Variants in PRKDC observed in about 807,000 individuals in gnomAD.
PRKDC encodes DNA-dependent protein kinase catalytic subunit.
Under a neutral mutation model 486.9 loss-of-function variants are expected in PRKDC, and 82 were observed. The observed-to-expected ratio is 0.17, with a 90% CI of 0.14 to 0.20. The LOEUF (loss-of-function observed/expected upper bound fraction) is 0.20, where lower values mean the gene tolerates loss of function less well. Among genes scored for constraint, PRKDC ranks in the 10% least tolerant of loss-of-function variants. PRKDC has a pLI of 1.00. For missense variants in PRKDC, 4,504 were observed against 5,038.2 expected, an observed-to-expected ratio of 0.89 and a Z score of 3.21; for synonymous variants, 1,895 against 1,837.0, an observed-to-expected ratio of 1.03 and a Z score of -0.81.
chr8:47,944,484 TAAA>T (rs75220935), intron 7 of PRKDC, among the ~76,000 whole-genome samples: 2 of 99,020 alleles, frequency 2.0e-5, no homozygotes, highest in African/African-American at 6.6e-5. Context: ...AGAAAAAAAT[TAAA>T]AAAAAAAAAA....
intron 49 of PRKDC, among the ~76,000 whole-genome samples, chr8:47,855,589 G>A (rs987988849): frequency 6.6e-6 from 1 of 152,224 alleles, no homozygotes; most frequent in Non-Finnish European, 1.5e-5. Context: ...GCCGTCCAGG[G>A]TGCAGGCTGC....
At chr8:47,927,444 T>C in intron 20 of PRKDC, 91 bp from the exon 21 acceptor site, 2 of 1,378,128 alleles carry the variant, frequency 1.5e-6, no homozygotes, top group Non-Finnish European at 2.0e-6. Flanking sequence ...TTCTAATTAA[T>C]ACTCCTTTTT....
intron 54 of PRKDC, among the ~76,000 whole-genome samples, chr8:47,841,548 GGGACAGA>G (rs2088144659): frequency 6.6e-6 from 1 of 152,210 alleles, no homozygotes; most frequent in African/African-American, 2.4e-5. Context: ...TGATTCCAAG[GGGACAGA>G]GGACAAAGCT....
At chr8:47,793,299 G>T (rs1019455001) in intron 74 of PRKDC, among the ~76,000 whole-genome samples, 6 of 152,176 alleles carry the variant, frequency 3.9e-5, no homozygotes, top group African/African-American at 1.4e-4. Flanking sequence ...TAGGGCAGGG[G>T]TGTGTTCACA....
intron 19 of PRKDC, among the ~76,000 whole-genome samples, chr8:47,928,290 T>A (rs771548617): frequency 6.6e-6 from 1 of 151,776 alleles, no homozygotes; most frequent in African/African-American, 2.4e-5. Context: ...TAGGTGGGAT[T>A]ACAGGCATGT....
chr8:47,901,574 T>A (rs1336290348), intron 27 of PRKDC, among the ~76,000 whole-genome samples: 1 of 152,226 alleles, frequency 6.6e-6, no homozygotes, highest in East Asian at 1.9e-4. Context: ...GAAAGCTACA[T>A]GAGCCAAAGA....
At chr8:47,859,365 C>G (rs1473232216) in intron 46 of PRKDC, among the ~76,000 whole-genome samples, 1 of 152,160 alleles carries the variant, frequency 6.6e-6, no homozygotes, top group Non-Finnish European at 1.5e-5. Context: ...GGGAGTGCAC[C>G]TCAGGTCAGA....
rs2090661253 is a variant in PRKDC at position 47,953,737 on chromosome 8, A to C, written c.622-18T>G. On this transcript the variant is annotated intron_variant, in intron 6 of 85. Coordinates refer to ENST00000314191, the MANE Select transcript of PRKDC (RefSeq NM_006904.7). ...GATGTCATCTAAAAGAAAAGATTTA[A>C]GAAGATGTCATTACAAGAGAAAAAC... The C allele has an allele frequency of 6.3e-7, 1 of 1,599,864 alleles. No individual in the cohort carries two copies. The highest frequency in any genetic ancestry group is 1.7e-4 in the Middle Eastern group (1 of 6,038).
chr8:47,775,221 T>A (rs890084364), intron 85 of PRKDC, among the ~76,000 whole-genome samples: 10 of 151,530 alleles, frequency 6.6e-5, no homozygotes, highest in Non-Finnish European at 1.2e-4. Context: ...ATAAATTAAT[T>A]AATTAATAGC....
chr8:47,777,851 C>T lies in PRKDC; in HGVS notation c.11877G>A (p.Met3959Ile), dbSNP rs2154497307. The change falls in exon 84 of 86, where the codon ATG (methionine) becomes ATA (isoleucine). Residue 3959 changes from methionine to isoleucine, a missense_variant. By Grantham distance (10) the Met-to-Ile change is conservative. This residue lies in a region of PRKDC where 706 missense variants were observed against 945.0 expected (regional missense o/e 0.75). Coordinates refer to ENST00000314191, the MANE Select transcript of PRKDC (RefSeq NM_006904.7). ...TAAACTGGCGAGTTAGCCGAAAAGG[C>T]ATCAACTCAGGGACTGGCAGAAACT... Reference protein sequence around the residue: ...ATQFLPVPELMPFRLTRQFIN... With the variant: ...ATQFLPVPELIPFRLTRQFIN... The T allele has an allele frequency of 6.2e-7, 1 of 1,613,958 alleles. No individual in the cohort carries two copies. The highest frequency in any genetic ancestry group is 8.5e-7 in the Non-Finnish European group (1 of 1,179,888).
At chr8:47,852,359 C>T (rs899880222) in intron 52 of PRKDC, among the ~76,000 whole-genome samples, 1 of 152,130 alleles carries the variant, frequency 6.6e-6, no homozygotes, top group African/African-American at 2.4e-5. Flanking sequence ...ATTTCCTCCA[C>T]AAGGAAATCC....
At chr8:47,825,504 CAAAAAAAAAAAAAAA>C (rs397891351) in intron 63 of PRKDC, among the ~76,000 whole-genome samples, 5 of 10,250 alleles carry the variant, frequency 4.9e-4, no homozygotes, top group African/African-American at 1.4e-3. Flanking sequence ...AAGACTGTCT[CAAAAAAAAAAAAAAA>C]AAAAAAAAAA....
intron 59 of PRKDC, among the ~76,000 whole-genome samples, chr8:47,833,337 T>A (rs578220071): frequency 6.6e-6 from 1 of 152,336 alleles, no homozygotes; most frequent in East Asian, 1.9e-4. Flanking sequence ...TCCACAGAGC[T>A]GAGCTTCCCT....
At chr8:47,829,737 A>T (rs1000502407) in intron 61 of PRKDC, among the ~76,000 whole-genome samples, 6 of 152,204 alleles carry the variant, frequency 3.9e-5, no homozygotes, top group African/African-American at 1.4e-4. Flanking sequence ...GATCTTTACA[A>T]GGAGAACTAA....
At chr8:47,825,760 C>T (rs1589723671) in intron 63 of PRKDC, among the ~76,000 whole-genome samples, 1 of 152,124 alleles carries the variant, frequency 6.6e-6, no homozygotes, top group African/African-American at 2.4e-5. Flanking sequence ...CAGGAGAAAA[C>T]GGTTCCTAGG....
intron 78 of PRKDC, 97 bp downstream of exon 78, chr8:47,783,645 C>G (rs1396721881): frequency 8.7e-7 from 1 of 1,152,874 alleles, no homozygotes; most frequent in Non-Finnish European, 1.3e-6. Flanking sequence ...CTGTGATCAA[C>G]ATGGGCCGTT....
At chr8:47,921,445 G>T (rs1353007329) in intron 21 of PRKDC, among the ~76,000 whole-genome samples, 3 of 152,040 alleles carry the variant, frequency 2.0e-5, no homozygotes, top group Non-Finnish European at 4.4e-5. Flanking sequence ...TGGATGGTTG[G>T]GTACTTTGAT....
rs2087577127 is a variant in PRKDC, at chr8:47,820,855, T to C, written c.9200A>G (p.Lys3067Arg). The C allele has an allele frequency of 6.2e-7, 1 of 1,612,462 alleles. No individual in the cohort carries two copies. ...CTTCTGGAGCTCCCCGTGCATAGCTTTGTCAATAAATGTCAGCAGGGACTG... is the reference window on the plus strand; with the variant it reads ...CTTCTGGAGCTCCCCGTGCATAGCTCTGTCAATAAATGTCAGCAGGGACTG... ...ADQSLLTFID[K>R]AMHGELQKAI... The change falls in exon 66 of 86, where the codon AAA (lysine) becomes AGA (arginine). Residue 3067 changes from lysine to arginine, a missense_variant. Lys to Arg is a conservative substitution (Grantham distance 26, BLOSUM62 2). This residue lies in a region of PRKDC where 1,592 missense variants were observed against 1,724.6 expected (regional missense o/e 0.92). Coordinates refer to ENST00000314191, the MANE Select transcript of PRKDC (RefSeq NM_006904.7).
At chr8:47,958,196 G>C (rs1041942634) in intron 1 of PRKDC, among the ~76,000 whole-genome samples, 6 of 152,188 alleles carry the variant, frequency 3.9e-5, no homozygotes, top group African/African-American at 1.4e-4. Context: ...AGGGGGACTT[G>C]ACATGCTGTT....
Sources: gnomAD v4.1 joint callset for allele counts (sites outside exome capture counted in the v4.1 genomes callset) on GRCh38, gnomAD v4.1.1 for gene constraint, gnomAD v4.1.1 regional missense constraint, MANE v1.5 for transcripts, NCBI Gene and HGNC (gene_info 2026-07-23, HGNC 2026-07-21) for gene names.